The following RAB31 variants were observed in gnomAD, a reference collection of about 807,000 sequenced individuals.
RAB31 encodes RAB31, member RAS oncogene family, also known as ras-related protein Rab-31.
In RAB31, 21 loss-of-function variants were observed where a neutral mutation model predicts 25.6. The ratio of observed to expected loss-of-function variants is 0.82; its 90% CI spans 0.58 to 1.18. RAB31 has a LOEUF of 1.18. Among genes scored for constraint, RAB31 ranks in the 50% most tolerant of loss-of-function variants. The probability of loss-of-function intolerance (pLI) is 0.00; values close to 1 mark genes in which losing one functional copy is unlikely to be tolerated. For missense variants in RAB31, 196 were observed against 250.1 expected (o/e 0.78, Z 1.46); for synonymous variants, 87 against 84.0 (o/e 1.04, Z -0.20).
chr18:9,776,403 G>A (rs2068372404), intron 2 of RAB31, among the ~76,000 whole-genome samples: 1 of 152,192 alleles, frequency 6.6e-6, no homozygotes, highest in Non-Finnish European at 1.5e-5. Context: ...ATCAGAAGTG[G>A]AGAAAAATCA....
Position 9,812,689 on chromosome 18 carries a change from ATTTTTTTTTT to A in RAB31, c.202-1314_202-1305del, listed in dbSNP as rs55968922. On this transcript the variant is annotated intron_variant, in intron 3 of 6. Coordinates refer to ENST00000578921, the MANE Select transcript of RAB31 (RefSeq NM_006868.4). ...ACTTTCAAAACCCCTCCAGGATACTATTTTTTTTTTTTTTTTTTTTTTTTTTGAGATAAAG... is the reference window on the plus strand; with the variant it reads ...ACTTTCAAAACCCCTCCAGGATACTATTTTTTTTTTTTTTTTGAGATAAAG... 2.0e-4 allele frequency among the ~76,000 whole-genome samples: 18 copies of A among 90,222 alleles called. No homozygotes were observed. In the East Asian group the frequency reaches 2.3e-3, roughly 12 times the overall value. 59.2% of individuals were successfully genotyped at this position (90,222 alleles called of 152,430 possible). A position where few individuals can be genotyped will look rare whatever the true frequency, so the allele number is the denominator to read the frequency against.
chr18:9,855,415 A>G (rs988472327), intron 6 of RAB31, among the ~76,000 whole-genome samples: 1 of 152,218 alleles, frequency 6.6e-6, no homozygotes, highest in Non-Finnish European at 1.5e-5. Context: ...GACTAGGCTC[A>G]GAGCCTTTTC....
chr18:9,745,549 A>G (rs2068201317), intron 1 of RAB31, among the ~76,000 whole-genome samples: 1 of 152,198 alleles, frequency 6.6e-6, no homozygotes, highest in African/African-American at 2.4e-5. Context: ...AATACTGGCA[A>G]ACTGAACCCA....
At chr18:9,734,662 G>T (rs904237794) in intron 1 of RAB31, among the ~76,000 whole-genome samples, 3 of 152,192 alleles carry the variant, frequency 2.0e-5, no homozygotes, top group Non-Finnish European at 4.4e-5. Flanking sequence ...CCACCCCTGC[G>T]GGGGAGCAGT....
At chr18:9,806,675 TG>T (rs2068543565) in intron 3 of RAB31, among the ~76,000 whole-genome samples, 1 of 152,192 alleles carries the variant, frequency 6.6e-6, no homozygotes, top group South Asian at 2.1e-4. Context: ...GTGAAACAAT[TG>T]GATTTATATA....
chr18:9,837,708 T>C (rs2068712498), intron 5 of RAB31, among the ~76,000 whole-genome samples: 1 of 152,262 alleles, frequency 6.6e-6, no homozygotes, highest in Non-Finnish European at 1.5e-5. Flanking sequence ...TAAAAAGTTA[T>C]TCACCATCCT....
chr18:9,836,113 G>A (rs996040058), intron 5 of RAB31, among the ~76,000 whole-genome samples: 2 of 152,006 alleles, frequency 1.3e-5, no homozygotes, highest in East Asian at 1.9e-4. Context: ...GTTAACAGCC[G>A]TCTCCCGCTC....
At chr18:9,855,871 T>C (rs2068813523) in intron 6 of RAB31, among the ~76,000 whole-genome samples, 1 of 152,144 alleles carries the variant, frequency 6.6e-6, no homozygotes, top group African/African-American at 2.4e-5. Flanking sequence ...CTCCCCGCCA[T>C]GCAAAACCCA....
At chr18:9,823,012 G>A (rs994725768) in intron 5 of RAB31, among the ~76,000 whole-genome samples, 1 of 152,164 alleles carries the variant, frequency 6.6e-6, no homozygotes, top group East Asian at 1.9e-4. Context: ...GATCAGCCCA[G>A]ATGTCCTTCA....
intron 1 of RAB31, among the ~76,000 whole-genome samples, chr18:9,731,343 T>G (rs557169146): frequency 4.7e-4 from 71 of 152,318 alleles, no homozygotes; most frequent in African/African-American, 1.7e-3. Context: ...TTTTGGACAT[T>G]AAATAATTTA....
intron 1 of RAB31, among the ~76,000 whole-genome samples, chr18:9,712,734 ACTTAAAAAC>A (rs2068024056): frequency 9.5e-4 from 1 of 1,048 alleles, no homozygotes; most frequent in South Asian, 0.014. Context: ...GTGTGCGTGC[ACTTAAAAAC>A]TGCGTGCACT....
At position 9,740,173 on chromosome 18, in the gene RAB31, A is replaced by T. The variant is rs561162232; in HGVS notation, c.39+31729A>T. On this transcript the variant is annotated intron_variant, in intron 1 of 6. Transcript: ENST00000578921. ...ACATTCCGATTCACTGGTAATGATAACTGTCTCACAAAGTCATTGTAACAA... is the reference window on the plus strand; with the variant it reads ...ACATTCCGATTCACTGGTAATGATATCTGTCTCACAAAGTCATTGTAACAA... 1.4e-4 allele frequency among the ~76,000 whole-genome samples: 22 copies of T among 152,330 alleles called. No homozygotes were observed. In the East Asian group the frequency reaches 4.2e-3, roughly 29 times the overall value.
At chr18:9,773,945 G>T (rs2068358762) in intron 1 of RAB31, among the ~76,000 whole-genome samples, 1 of 152,148 alleles carries the variant, frequency 6.6e-6, no homozygotes, top group South Asian at 2.1e-4. Flanking sequence ...ACTGGTGTGA[G>T]CCACTACACC....
intron 6 of RAB31, among the ~76,000 whole-genome samples, chr18:9,851,206 A>G (rs529464204): frequency 6.6e-6 from 1 of 152,346 alleles, no homozygotes; most frequent in African/African-American, 2.4e-5. Context: ...TTAATTTACC[A>G]AATGCAATCC....
chr18:9,808,485 A>G (rs917441934), intron 3 of RAB31, among the ~76,000 whole-genome samples: 4 of 152,246 alleles, frequency 2.6e-5, no homozygotes, highest in African/African-American at 9.6e-5. Context: ...GAGAGGGTCT[A>G]TGTAAAAGTC....
chr18:9,799,785 T>C (rs971281269), intron 3 of RAB31, among the ~76,000 whole-genome samples: 2 of 152,232 alleles, frequency 1.3e-5, no homozygotes, highest in African/African-American at 2.4e-5. Flanking sequence ...TTAACAAAAA[T>C]GTTTTTTGAA....
chr18:9,724,990 G>A (rs56043890), intron 1 of RAB31, among the ~76,000 whole-genome samples: 2,036 of 152,228 alleles, frequency 0.013, 48 homozygotes, highest in African/African-American at 0.047. Flanking sequence ...TGAGCGGACC[G>A]GGCAGGCTGG....
At chr18:9,801,539 C>A (rs1017132651) in intron 3 of RAB31, among the ~76,000 whole-genome samples, 1 of 152,110 alleles carries the variant, frequency 6.6e-6, no homozygotes, top group Non-Finnish European at 1.5e-5. Context: ...CCTCGGCCTC[C>A]CAAAGTGTTG....
chr18:9,791,388 C>CCTT (rs2068458703), intron 2 of RAB31, among the ~76,000 whole-genome samples: 1 of 59,568 alleles, frequency 1.7e-5, no homozygotes, highest in African/African-American at 6.9e-5. Flanking sequence ...GAAACACAGT[C>CCTT]TTTTTTTTTT....
Sources: allele counts gnomAD v4.1 joint callset (sites outside exome capture counted in the v4.1 genomes callset), GRCh38; gene constraint gnomAD v4.1.1; transcripts MANE v1.5; gene names NCBI Gene and HGNC (gene_info 2026-07-23, HGNC 2026-07-21).